The following PIWIL2 variants were observed in gnomAD, a reference collection of about 807,000 sequenced individuals.
The protein encoded by PIWIL2 is piwi like RNA-mediated gene silencing 2.
In PIWIL2, 81 loss-of-function variants were observed where a neutral mutation model predicts 116.5. That is an observed-to-expected ratio of 0.70 (90% confidence interval 0.58 to 0.84). PIWIL2 has a LOEUF of 0.84. PIWIL2 is among the 40% of genes least tolerant of loss of function. The probability of loss-of-function intolerance (pLI) is 0.00; values close to 1 mark genes in which losing one functional copy is unlikely to be tolerated. For synonymous variants in PIWIL2, 489 were observed against 429.5 expected, an observed-to-expected ratio of 1.14 and a Z score of -1.71; for missense variants, 1,272 against 1,212.3, an observed-to-expected ratio of 1.05 and a Z score of -0.73.
chr8:22,290,877 G>A (rs547625088), intron 10 of PIWIL2, among the ~76,000 whole-genome samples: 1 of 151,874 alleles, frequency 6.6e-6, no homozygotes, highest in South Asian at 2.1e-4. Flanking sequence ...TTAAATTTGT[G>A]GTTAGGAGAA....
In PIWIL2 at chr8:22,309,971, G is replaced by A. The variant is rs756790734; in HGVS notation, c.1697G>A (p.Arg566His). ...TTATTTTCTGTTTAGATTGAAGGAC[G>A]TGTTCTGCCAATGGAAAGAATTAAC... ...LQKDVHKIEG[R>H]VLPMERINLK... Residue 566 changes from arginine to histidine, a missense_variant, in exon 15 of 23, where the codon CGT becomes CAT. By Grantham distance (29) the Arg-to-His change is conservative. Coordinates refer to ENST00000356766, the MANE Select transcript of PIWIL2 (RefSeq NM_018068.5). 6.9e-6 allele frequency: 11 copies of A among 1,591,510 alleles called. No individual in the cohort carries two copies. The highest frequency in any genetic ancestry group is 2.2e-5 in the East Asian group (1 of 44,754).
rs1563343051 is a variant in PIWIL2, at chr8:22,281,113, T to C, written c.199-7T>C. 11 of 1,588,248 alleles carry C rather than the reference T, an allele frequency of 6.9e-6. No homozygotes were observed. Among genetic ancestry groups the C allele is most frequent in the Non-Finnish European group, 9.4e-6 (11 of 1,164,686 alleles). On this transcript the variant is annotated splice_polypyrimidine_tract_variant and splice_region_variant and intron_variant, in intron 2 of 22. Coordinates refer to ENST00000356766, the MANE Select transcript of PIWIL2 (RefSeq NM_018068.5). ...CTCTTAGAACTTTATTCTTTGACTT[T>C]CCACAGGAGTCTGTGGGTTTGGTCT...
At chr8:22,313,054 C>A (rs1261024786) in intron 16 of PIWIL2, among the ~76,000 whole-genome samples, 1 of 152,208 alleles carries the variant, frequency 6.6e-6, no homozygotes, top group African/African-American at 2.4e-5. Flanking sequence ...AATAACCCAG[C>A]CCAGTACATC....
intron 16 of PIWIL2, 49 bp downstream of exon 16, chr8:22,311,349 T>G (rs376920280): frequency 7.0e-7 from 1 of 1,419,686 alleles, no homozygotes; most frequent in East Asian, 2.3e-5. Flanking sequence ...TTTAAATTAC[T>G]TAAATACTTA....
At chr8:22,306,766 C>T (rs1290093753) in intron 13 of PIWIL2, among the ~76,000 whole-genome samples, 1 of 152,134 alleles carries the variant, frequency 6.6e-6, no homozygotes, top group African/African-American at 2.4e-5. Context: ...CCTTCCAGTT[C>T]TTCTACTTTC....
At chr8:22,348,638 G>A (rs1832282316) in intron 20 of PIWIL2, among the ~76,000 whole-genome samples, 1 of 152,158 alleles carries the variant, frequency 6.6e-6, no homozygotes, top group Admixed American at 6.6e-5. Context: ...GGGCTTGATG[G>A]CACATCCCTG....
At chr8:22,316,414 T>C in intron 19 of PIWIL2, 81 bp downstream of exon 19, 1 of 860,108 alleles carries the variant, frequency 1.2e-6, no homozygotes, top group South Asian at 1.4e-5. Flanking sequence ...CAAATCTTTT[T>C]AGCATTATGT....
intron 9 of PIWIL2, 48 bp downstream of exon 9, chr8:22,289,975 A>G: frequency 8.2e-7 from 1 of 1,221,314 alleles, no homozygotes; most frequent in Non-Finnish European, 1.2e-6. Context: ...CTGGAAAGAA[A>G]GTTTCCATTA....
chr8:22,312,237 C>G (rs1404200083), intron 16 of PIWIL2, among the ~76,000 whole-genome samples: 2 of 149,668 alleles, frequency 1.3e-5, no homozygotes, highest in African/African-American at 4.9e-5. Context: ...TTTACTCCAA[C>G]CTGGGCAACA....
intron 20 of PIWIL2, among the ~76,000 whole-genome samples, chr8:22,323,002 C>T (rs892022474): frequency 2.0e-5 from 3 of 151,866 alleles, no homozygotes; most frequent in Non-Finnish European, 4.4e-5. Flanking sequence ...CTGCAACTTC[C>T]GCCTCCCCGG....
Position 22,290,319 on chromosome 8 carries a change from T to C in PIWIL2, c.1154T>C (p.Ile385Thr), listed in dbSNP as rs773328807. ...CTAGCTGATGTCTCCCATAAGGTCA[T>C]TCGGAATGACTGTGTGCTGGATGTC... ...FLLADVSHKV[I>T]RNDCVLDVMH... The change falls in exon 10 of 23, where the codon ATT (isoleucine) becomes ACT (threonine). Residue 385 changes from isoleucine (I) to threonine (T), a missense_variant. By Grantham distance (89) the Ile-to-Thr change is moderately conservative. Transcript: ENST00000356766. The C allele has an allele frequency of 3.1e-6, 5 of 1,608,790 alleles. No individual in the cohort carries two copies. Among genetic ancestry groups the C allele is most frequent in the Admixed American group, 1.7e-5 (1 of 59,992 alleles).
intron 20 of PIWIL2, among the ~76,000 whole-genome samples, chr8:22,320,392 C>T (rs982120606): frequency 6.6e-6 from 1 of 151,532 alleles, no homozygotes; most frequent in Non-Finnish European, 1.5e-5. Flanking sequence ...CTCAGCCTCC[C>T]GAGTAGCTGG....
chr8:22,279,160 G>A (rs989587934), intron 1 of PIWIL2, among the ~76,000 whole-genome samples, 181 bp from the exon 2 acceptor site: 2 of 152,122 alleles, frequency 1.3e-5, no homozygotes, highest in Admixed American at 1.3e-4. Context: ...TGCTCTGAGG[G>A]ATTGTTAATG....
rs1053480153 is a variant in PIWIL2 at position 22,304,341 on chromosome 8, A to G, written c.1370+132A>G. 97 of 625,118 alleles carry G rather than the reference A, an allele frequency of 1.6e-4. 1 individual carries two copies. The highest frequency in any genetic ancestry group is 2.0e-4 in the Non-Finnish European group (71 of 355,190). 38.7% of individuals were successfully genotyped at this position (625,118 alleles called of 1,614,324 possible). On this transcript the variant is annotated intron_variant, in intron 11 of 22. Transcript: ENST00000356766. The stretch of plus-strand genomic sequence containing the variant: ...AAATAATTGAATTGGTAATGTGTCT[A>G]ACACTGAATGAGCTTGTTTGTGGGA...
intron 20 of PIWIL2, among the ~76,000 whole-genome samples, chr8:22,346,546 A>G (rs1014260653): frequency 6.6e-6 from 1 of 152,198 alleles, no homozygotes; most frequent in East Asian, 1.9e-4. Context: ...CCTCCCAGAC[A>G]GTCTTAAGCT....
intron 20 of PIWIL2, among the ~76,000 whole-genome samples, chr8:22,341,096 T>G (rs1469456739): frequency 2.6e-5 from 4 of 152,148 alleles, no homozygotes; most frequent in Admixed American, 6.6e-5. Flanking sequence ...TTTGTTGTTT[T>G]GAGCCACCCA....
At chr8:22,288,016 A>C (rs1344949654) in intron 7 of PIWIL2, among the ~76,000 whole-genome samples, 1 of 152,054 alleles carries the variant, frequency 6.6e-6, no homozygotes, top group Non-Finnish European at 1.5e-5. Context: ...TTGCAAATGT[A>C]GGCCGGGTGC....
At chr8:22,306,316 T>A (rs1226696498) in intron 13 of PIWIL2, among the ~76,000 whole-genome samples, 1 of 152,154 alleles carries the variant, frequency 6.6e-6, no homozygotes, top group Non-Finnish European at 1.5e-5. Context: ...ACCAGTCAGG[T>A]GGATAATTGT....
At chr8:22,325,599 T>C (rs903842715) in intron 20 of PIWIL2, among the ~76,000 whole-genome samples, 4 of 150,164 alleles carry the variant, frequency 2.7e-5, no homozygotes, top group Non-Finnish European at 5.9e-5. Flanking sequence ...TTCTCCTGTC[T>C]CAGCCTGCCA....
Sources: allele counts gnomAD v4.1 joint callset (sites outside exome capture counted in the v4.1 genomes callset), GRCh38; gene constraint gnomAD v4.1.1; transcripts MANE v1.5; gene names NCBI Gene and HGNC (gene_info 2026-07-23, HGNC 2026-07-21).